The following RGS21 variants were observed in gnomAD, a reference collection of about 807,000 sequenced individuals.
RGS21 encodes the protein regulator of G-protein signalling 21.
Under a neutral mutation model 18.7 loss-of-function variants are expected in RGS21, and 19 were observed. The ratio of observed to expected loss-of-function variants is 1.01; its 90% CI spans 0.71 to 1.49. The LOEUF is 1.49. Ranked by LOEUF, RGS21 falls within the 40% of genes most tolerant of loss-of-function variation. The pLI is 0.00. For missense variants in RGS21, 194 were observed against 176.8 expected, an observed-to-expected ratio of 1.10 and a Z score of -0.55; for synonymous variants, 56 against 57.8, an observed-to-expected ratio of 0.97 and a Z score of 0.14.
intron 4 of RGS21, among the ~76,000 whole-genome samples, chr1:192,359,653 GTGTA>G (rs910634854): frequency 8.6e-5 from 9 of 104,518 alleles, no homozygotes; most frequent in African/African-American, 2.6e-4. Flanking sequence ...ATGTGTGTGT[GTGTA>G]TATATATATA....
chr1:192,335,996 G>A (rs1348997343), intron 1 of RGS21, among the ~76,000 whole-genome samples: 1 of 152,202 alleles, frequency 6.6e-6, no homozygotes, highest in Non-Finnish European at 1.5e-5. Flanking sequence ...GTTGAACAAA[G>A]TATATTTGTT....
At chr1:192,328,030 T>C (rs1658593586) in intron 1 of RGS21, among the ~76,000 whole-genome samples, 1 of 152,174 alleles carries the variant, frequency 6.6e-6, no homozygotes, top group South Asian at 2.1e-4. Flanking sequence ...TGTCTTTACT[T>C]TGAGGAGTAA....
intron 1 of RGS21, among the ~76,000 whole-genome samples, chr1:192,318,918 G>C (rs1157047404): frequency 6.6e-6 from 1 of 151,840 alleles, no homozygotes; most frequent in African/African-American, 2.4e-5. Flanking sequence ...CAAAAAGAAG[G>C]GCAGAATAAA....
intron 1 of RGS21, among the ~76,000 whole-genome samples, chr1:192,335,070 C>T (rs1474467505): frequency 6.6e-6 from 1 of 152,096 alleles, no homozygotes; most frequent in Non-Finnish European, 1.5e-5. Context: ...ATTATTCTCA[C>T]AGAGCTTAGC....
rs1659269688 is a variant in RGS21 at position 192,367,015 on chromosome 1, T to C, written c.*891T>C. On this transcript the variant is annotated 3_prime_UTR_variant, in exon 5 of 5. Transcript: ENST00000417209. ...TTATTTTGAGATGTTCCTAAAATTG[T>C]TTCATTCTATATGTAAATATCCTGT... 1 of 152,080 alleles carries C rather than the reference T, an allele frequency of 6.6e-6. No homozygotes were observed. Among genetic ancestry groups the C allele is most frequent in the Non-Finnish European group, 1.5e-5 (1 of 67,966 alleles). The allele number at this position is 152,080 out of a possible 1,614,324, so 9.4% of individuals were successfully genotyped here.
intron 1 of RGS21, among the ~76,000 whole-genome samples, chr1:192,333,229 A>T (rs994757901): frequency 1.3e-4 from 20 of 151,168 alleles, no homozygotes; most frequent in African/African-American, 4.6e-4. Flanking sequence ...GGTAGCATAT[A>T]AAGTGATTGT....
At position 192,347,357 on chromosome 1, in the gene RGS21, C is replaced by G. The variant is rs746375929; in HGVS notation, c.56C>G (p.Ser19Cys). Residue 19 changes from serine to cysteine, a missense_variant, in exon 3 of 5, where the codon TCT (serine) becomes TGT (cysteine). Coordinates refer to ENST00000417209, the MANE Select transcript of RGS21 (RefSeq NM_001039152.3). The stretch of plus-strand genomic sequence containing the variant: ...CCAACTGCGGAAACAATGACATGGT[C>G]TGAAAATATGGACACGCTTTTAGCC... ...RSPTAETMTWSENMDTLLANQ... is the reference protein window; with the variant it reads ...RSPTAETMTWCENMDTLLANQ... 2.6e-5 allele frequency: 41 copies of G among 1,606,312 alleles called. No individual in the cohort carries two copies. In the East Asian group the frequency reaches 9.2e-4, roughly 36 times the overall value.
At chr1:192,324,856 A>G (rs1658545149) in intron 1 of RGS21, among the ~76,000 whole-genome samples, 1 of 152,084 alleles carries the variant, frequency 6.6e-6, no homozygotes, top group East Asian at 1.9e-4. Context: ...TGTCTTAGTA[A>G]CATGGTAATC....
chr1:192,360,045 A>G (rs1238812115), intron 4 of RGS21, among the ~76,000 whole-genome samples: 1 of 151,750 alleles, frequency 6.6e-6, no homozygotes. Context: ...TCCTGTTCCT[A>G]CTCATAATCC....
intron 2 of RGS21, among the ~76,000 whole-genome samples, chr1:192,343,579 C>T (rs1016410082): frequency 1.3e-5 from 2 of 152,070 alleles, no homozygotes; most frequent in Admixed American, 6.6e-5. Flanking sequence ...TGGTTGCTTT[C>T]ACGCAGTTCC....
At chr1:192,340,050 A>G (rs533382008) in intron 1 of RGS21, among the ~76,000 whole-genome samples, 1 of 152,100 alleles carries the variant, frequency 6.6e-6, no homozygotes, top group African/African-American at 2.4e-5. Context: ...TTCCACACAT[A>G]CTCTCATCAT....
At chr1:192,348,857 A>T (rs1057293822) in intron 3 of RGS21, among the ~76,000 whole-genome samples, 1 of 152,152 alleles carries the variant, frequency 6.6e-6, no homozygotes, top group African/African-American at 2.4e-5. Context: ...AACACAATAG[A>T]GCTGAATTCA....
At chr1:192,365,409 T>C (rs1375384057) in intron 4 of RGS21, among the ~76,000 whole-genome samples, 4 of 151,984 alleles carry the variant, frequency 2.6e-5, no homozygotes, top group Non-Finnish European at 5.9e-5. Context: ...GTGGGAGAGA[T>C]GAGAATCACT....
At chr1:192,331,955 T>G (rs998235368) in intron 1 of RGS21, among the ~76,000 whole-genome samples, 1 of 151,992 alleles carries the variant, frequency 6.6e-6, no homozygotes, top group Non-Finnish European at 1.5e-5. Flanking sequence ...TTTTTAATTT[T>G]GGGGAAATTA....
chr1:192,337,021 T>C (rs1055557890), intron 1 of RGS21, among the ~76,000 whole-genome samples: 4 of 152,130 alleles, frequency 2.6e-5, no homozygotes, highest in African/African-American at 9.7e-5. Flanking sequence ...ATTTATATCA[T>C]GGCTTTGATA....
chr1:192,331,545 C>CTAAATAAATAAATAAATAAATAAA (rs200622803), intron 1 of RGS21, among the ~76,000 whole-genome samples: 4 of 143,754 alleles, frequency 2.8e-5, no homozygotes, highest in Admixed American at 2.1e-4. Context: ...GACTCCGTCT[C>CTAAATAAATAAATAAATAAATAAA]TAAATAAATA....
At chr1:192,364,972 C>T (rs762553868) in intron 4 of RGS21, among the ~76,000 whole-genome samples, 4 of 151,788 alleles carry the variant, frequency 2.6e-5, no homozygotes, top group Non-Finnish European at 4.4e-5. Flanking sequence ...GTCTCTACTA[C>T]TAATAATACA....
chr1:192,318,097 T>A (rs1658444517), intron 1 of RGS21, among the ~76,000 whole-genome samples: 2 of 152,104 alleles, frequency 1.3e-5, no homozygotes, highest in South Asian at 4.1e-4. Context: ...TAGTAAATAT[T>A]AATATATTCA....
chr1:192,321,830 CTTTCATT>C (rs1337280887), intron 1 of RGS21, among the ~76,000 whole-genome samples: 2 of 151,846 alleles, frequency 1.3e-5, no homozygotes, highest in Non-Finnish European at 2.9e-5. Flanking sequence ...TGAAATAAAT[CTTTCATT>C]TTGAGTAGGT....
Sources: allele counts gnomAD v4.1 joint callset (sites outside exome capture counted in the v4.1 genomes callset), GRCh38; gene constraint gnomAD v4.1.1; transcripts MANE v1.5; gene names NCBI Gene and HGNC (gene_info 2026-07-23, HGNC 2026-07-21).